Variants in KLK4 observed in about 807,000 individuals in gnomAD.
KLK4 encodes kallikrein-4.
Under a neutral mutation model 24.3 loss-of-function variants are expected in KLK4, and 24 were observed. That is an observed-to-expected ratio of 0.99 (90% CI 0.72 to 1.39). KLK4 has a LOEUF of 1.39. Ranked by LOEUF, KLK4 falls within the 40% of genes most tolerant of loss-of-function variation. The probability of loss-of-function intolerance (pLI) is 0.00; values close to 1 mark genes in which losing one functional copy is unlikely to be tolerated. For missense variants in KLK4, 344 were observed against 327.4 expected (o/e 1.05, Z -0.39); for synonymous variants, 142 against 138.8 (o/e 1.02, Z -0.16).
chr19:50,907,081 G>A (rs2090439271), exon 6 of KLK4: 5 of 1,614,128 alleles, frequency 3.1e-6, no homozygotes, highest in East Asian at 2.2e-5. Context: ...GCCCCCCAGA[G>A]TCACCCTGTT....
In KLK4 at chr19:50,908,481, C is replaced by T. The variant is rs777659052; in HGVS notation, c.490G>A (p.Val164Met). The change falls in exon 5 of 6, where the codon GTG (valine) becomes ATG (methionine). Residue 164 changes from valine (V) to methionine (M), a missense_variant. By Grantham distance (21) the Val-to-Met change is conservative (BLOSUM62 1). Transcript: ENST00000324041. ...ACCGACACGTTCACGCACTGCAGCA[C>T]GGTAGGCATTCTGCCTGGGACGCAG... 23 of 1,614,094 alleles carry T rather than the reference C, an allele frequency of 1.4e-5. No individual in the cohort carries two copies. In the Admixed American group the frequency reaches 3.5e-4, roughly 25 times the overall value.
At position 50,908,388 on chromosome 19, in the gene KLK4, C is replaced by G. The variant is rs2090452538; in HGVS notation, c.583G>C (p.Gly195Arg). Residue 195 changes from glycine to arginine, a missense_variant, in exon 5 of 6, where the codon GGA (glycine) becomes CGA (arginine). Physicochemically the swap from Gly to Arg is moderately radical, Grantham distance 125. Transcript: ENST00000324041. ...CAGGAGTCCTTCTGGTCTTGCCCTCCGCCGGCGCAGAACATGCTGGGGTGG... is the reference window on the plus strand; with the variant it reads ...CAGGAGTCCTTCTGGTCTTGCCCTCGGCCGGCGCAGAACATGCTGGGGTGG... 1 of 1,613,868 alleles carries G rather than the reference C, an allele frequency of 6.2e-7. No homozygotes were observed. Among genetic ancestry groups the G allele is most frequent in the African/African-American group, 1.3e-5 (1 of 74,910 alleles).
chr19:50,907,918 C>CT, intron 5 of KLK4: 1 of 284,820 alleles, frequency 3.5e-6, no homozygotes, highest in Non-Finnish European at 6.8e-6. Context: ...AACTGTGTAG[C>CT]TTAGAAATAT....
At chr19:50,907,516 T>C (rs1654554) in intron 5 of KLK4, among the ~76,000 whole-genome samples, 128,917 of 151,730 alleles carry the variant, frequency 0.85, 56,032 homozygotes, top group African/African-American at 0.94. Flanking sequence ...AAGCAATTCT[T>C]CTGCCTCAGC....
At chr19:50,909,171 C>T in intron 3 of KLK4, 81 bp downstream of exon 3, 2 of 1,610,036 alleles carry the variant, frequency 1.2e-6, no homozygotes, top group Non-Finnish European at 1.7e-6. Context: ...CTGTTTCCCC[C>T]TGAGCACCCC....
intron 5 of KLK4, 28 bp from the exon 6 acceptor site, chr19:50,907,114 T>A: frequency 6.2e-7 from 1 of 1,613,126 alleles, no homozygotes; most frequent in East Asian, 2.2e-5. Flanking sequence ...AGAGTCAGAA[T>A]TCAAAACACA....
chr19:50,908,776 C>A, exon 4 of KLK4: 1 of 1,613,598 alleles, frequency 6.2e-7, no homozygotes, highest in Non-Finnish European at 8.5e-7. Flanking sequence ...CATCTGGCTC[C>A]CTGGCTCTTG....
chr19:50,909,823 G>A (rs547675384), intron 2 of KLK4, among the ~76,000 whole-genome samples: 1 of 152,142 alleles, frequency 6.6e-6, no homozygotes, highest in South Asian at 2.1e-4. Flanking sequence ...AGGGCTCCTG[G>A]GAGGAGAGTC....
Position 50,910,804 on chromosome 19 carries a change from T to A in KLK4, c.-11-55A>T. The A allele has an allele frequency of 7.1e-7, 1 of 1,416,036 alleles. No homozygotes were observed. Among genetic ancestry groups the A allele is most frequent in the East Asian group, 2.5e-5 (1 of 40,300 alleles). 87.7% of individuals were successfully genotyped at this position (1,416,036 alleles called of 1,614,324 possible). ...TCTGGGGATCTTCAGCCCAAGTCTC[T>A]CCATCCCTCTCTTTGTCCCTCCCTT... On this transcript the variant is annotated intron_variant, in intron 1 of 5. Transcript: ENST00000324041. This position sits in a 1 kb window ranked among gnomAD's most constrained non-coding sequence, Gnocchi z 4.4.
exon 4 of KLK4, chr19:50,908,815 C>T (rs369572168): frequency 1.9e-6 from 3 of 1,612,752 alleles, no homozygotes; most frequent in African/African-American, 2.7e-5. Flanking sequence ...CAGGCCCAGC[C>T]CGATGGTGTA....
At chr19:50,908,314 C>T (rs1290071094) in intron 5 of KLK4, 45 bp downstream of exon 5, 8 of 1,607,130 alleles carry the variant, frequency 5.0e-6, no homozygotes, top group Admixed American at 1.7e-5. Flanking sequence ...TCCCCCTTCT[C>T]CACCCTTCCC....
Position 50,910,564 on chromosome 19 carries a change from C to G in KLK4, c.61+114G>C, listed in dbSNP as rs1274346379. The stretch of plus-strand genomic sequence containing the variant: ...GCCATGGGGGACGGATAACACGGTA[C>G]CGTCTCACAGGCAGCTTTGCAGTCA... On this transcript the variant is annotated intron_variant, in intron 2 of 5. Transcript: ENST00000324041. The surrounding 1 kb of genome is among the most constrained non-coding windows in gnomAD (Gnocchi z 4.4). 1.1e-6 allele frequency: 1 copy of G among 950,064 alleles called. No individual in the cohort carries two copies. The highest frequency in any genetic ancestry group is 2.6e-5 in the East Asian group (1 of 38,182). 58.9% of individuals were successfully genotyped at this position (950,064 alleles called of 1,614,324 possible). A position where few individuals can be genotyped will look rare whatever the true frequency, so the allele number is the denominator to read the frequency against.
intron 2 of KLK4, 70 bp from the exon 3 acceptor site, chr19:50,909,484 G>T (rs565924897): frequency 5.1e-5 from 78 of 1,525,492 alleles, no homozygotes; most frequent in African/African-American, 4.9e-4. Context: ...TGGGCTTACC[G>T]AGCAGGGGCG....
Position 50,910,691 on chromosome 19 carries a change from G to A in KLK4, c.48C>T (p.Ile16=). The change falls in exon 2 of 6, where the codon ATC becomes ATT. Residue 16 remains isoleucine (I), a synonymous_variant. Transcript: ENST00000324041. The surrounding 1 kb of genome is among the most constrained non-coding windows in gnomAD (Gnocchi z 4.4). ...ATACTCAGATACCTGCGACACCAAGGATGAGGTACCCCAGGAACCAGCCCC... is the reference window on the plus strand; with the variant it reads ...ATACTCAGATACCTGCGACACCAAGAATGAGGTACCCCAGGAACCAGCCCC... 6.4e-7 allele frequency: 1 copy of A among 1,555,670 alleles called. No individual in the cohort carries two copies. The highest frequency in any genetic ancestry group is 8.7e-7 in the Non-Finnish European group (1 of 1,148,822).
chr19:50,906,840 G>T, exon 6 of KLK4: 1 of 1,506,850 alleles, frequency 6.6e-7, no homozygotes, highest in Non-Finnish European at 9.2e-7. Flanking sequence ...TGGACTCCTG[G>T]GCCTGAGGGA....
At chr19:50,909,113 G>A in intron 3 of KLK4, 139 bp downstream of exon 3, 1 of 1,487,056 alleles carries the variant, frequency 6.7e-7, no homozygotes, top group Non-Finnish European at 8.9e-7. Context: ...TCCCTCTGGG[G>A]CTCCCCGGAT....
Position 50,910,926 on chromosome 19 carries a change from C to G in KLK4, c.-11-177G>C, listed in dbSNP as rs1362683315. Among the ~76,000 whole-genome samples the G allele has an allele frequency of 6.9e-6, 1 of 144,812 alleles. No homozygotes were observed. The highest frequency in any genetic ancestry group is 2.6e-5 in the African/African-American group (1 of 38,808). ...GAACCTAGAGAGACAGATTTAGAGA[C>G]TGAGAGAGAAAAAGAGAGAGAGAGA... On this transcript the variant is annotated intron_variant, in intron 1 of 5. Transcript: ENST00000324041. This position sits in a 1 kb window ranked among gnomAD's most constrained non-coding sequence, Gnocchi z 4.4.
exon 5 of KLK4, chr19:50,908,463 C>G: frequency 1.2e-6 from 2 of 1,614,186 alleles, no homozygotes; most frequent in Admixed American, 1.7e-5. Context: ...ACCACCGACA[C>G]GTTCACGCAC....
intron 5 of KLK4, chr19:50,908,011 G>T (rs577082103): frequency 1.0e-5 from 4 of 401,716 alleles, no homozygotes; most frequent in Non-Finnish European, 9.4e-6. Context: ...AAGGCTCCCC[G>T]TCAACAGTAG....
Sources: allele counts gnomAD v4.1 joint callset (sites outside exome capture counted in the v4.1 genomes callset), GRCh38; gene constraint gnomAD v4.1.1; non-coding constraint Gnocchi (gnomAD v3.1); transcripts MANE v1.5; gene names NCBI Gene and HGNC (gene_info 2026-07-23, HGNC 2026-07-21).